GBE1: variants seen among roughly 807,000 people sequenced by gnomAD.
GBE1 encodes 1,4-alpha-glucan branching enzyme 1.
A neutral mutation model predicts 88.8 loss-of-function variants in GBE1; 70 were observed. That is an observed-to-expected ratio of 0.79 (90% CI 0.65 to 0.96). The LOEUF is 0.96. Among genes scored for constraint, GBE1 ranks in the 40% least tolerant of loss-of-function variants. GBE1 has a pLI of 0.00. For missense variants in GBE1, 872 were observed against 871.0 expected, an observed-to-expected ratio of 1.00 and a Z score of -0.01; for synonymous variants, 284 against 300.1, an observed-to-expected ratio of 0.95 and a Z score of 0.56.
At chr3:81,741,666 C>T (rs1706350134) in intron 1 of GBE1, among the ~76,000 whole-genome samples, 1 of 151,650 alleles carries the variant, frequency 6.6e-6, no homozygotes, top group African/African-American at 2.4e-5. Flanking sequence ...AAAAGCCATG[C>T]ATACATCACA....
intron 1 of GBE1, among the ~76,000 whole-genome samples, chr3:81,716,019 C>T (rs1198617759): frequency 2.6e-5 from 4 of 152,262 alleles, no homozygotes; most frequent in Admixed American, 2.6e-4. Flanking sequence ...TACAAGCACA[C>T]ATTGTGTTAT....
chr3:81,755,647 T>A (rs759765694), intron 1 of GBE1, among the ~76,000 whole-genome samples: 1 of 152,094 alleles, frequency 6.6e-6, no homozygotes, highest in African/African-American at 2.4e-5. Context: ...ACCATAAAAA[T>A]TAATGAAATC....
At position 81,750,535 on chromosome 3, in the gene GBE1, A is replaced by G. The variant is rs200651151; in HGVS notation, c.143+10840T>C. Among the ~76,000 whole-genome samples the G allele has an allele frequency of 3.0e-3, 231 of 75,748 alleles. 7 individuals carry two copies. In the East Asian group the frequency reaches 0.059, roughly 19 times the overall value. 49.7% of individuals were successfully genotyped at this position (75,748 alleles called of 152,430 possible). A position where few individuals can be genotyped will look rare whatever the true frequency, so the allele number is the denominator to read the frequency against. On this transcript the variant is annotated intron_variant, in intron 1 of 15. Coordinates refer to ENST00000429644, the MANE Select transcript of GBE1 (RefSeq NM_000158.4). The stretch of plus-strand genomic sequence containing the variant: ...CATCTCAAAACATTCATATATATAT[A>G]TACGTATATATATATGTATATATAT...
At chr3:81,580,980 A>AT (rs1703720445) in intron 11 of GBE1, among the ~76,000 whole-genome samples, 185 bp downstream of exon 11, 1 of 151,876 alleles carries the variant, frequency 6.6e-6, no homozygotes, top group African/African-American at 2.4e-5. Context: ...CAAATTTAAC[A>AT]TTTTTTCCAA....
At chr3:81,563,129 T>C (rs1329042065) in intron 12 of GBE1, among the ~76,000 whole-genome samples, 2 of 152,070 alleles carry the variant, frequency 1.3e-5, no homozygotes, top group Non-Finnish European at 1.5e-5. Context: ...CCAGCCTGCA[T>C]GAATAACACT....
intron 12 of GBE1, among the ~76,000 whole-genome samples, chr3:81,576,955 T>TA (rs1703656524): frequency 6.6e-6 from 1 of 152,136 alleles, no homozygotes; most frequent in Non-Finnish European, 1.5e-5. Context: ...CAGGGCTTTT[T>TA]AAAAATTAGA....
At chr3:81,574,343 C>A (rs2106928343) in intron 12 of GBE1, among the ~76,000 whole-genome samples, 1 of 152,168 alleles carries the variant, frequency 6.6e-6, no homozygotes, top group South Asian at 2.1e-4. Context: ...TATATGCCTG[C>A]AAATACTTTG....
At chr3:81,663,556 C>A (rs1705060747) in intron 3 of GBE1, among the ~76,000 whole-genome samples, 1 of 152,178 alleles carries the variant, frequency 6.6e-6, no homozygotes, top group Admixed American at 6.5e-5. Context: ...ACCTTGCATT[C>A]ATTCTCCAAG....
At chr3:81,649,061 T>A in intron 4 of GBE1, 70 bp from the exon 5 acceptor site, 1 of 1,084,952 alleles carries the variant, frequency 9.2e-7, no homozygotes, top group Non-Finnish European at 1.3e-6. Flanking sequence ...ATCAAGTATA[T>A]TTTTAAAAAG....
chr3:81,498,210 C>A (rs564833502), intron 15 of GBE1, among the ~76,000 whole-genome samples: 18 of 152,148 alleles, frequency 1.2e-4, no homozygotes, highest in African/African-American at 4.3e-4. Context: ...TGGCAGCTTA[C>A]AAAGTGGAGT....
At chr3:81,548,838 A>C (rs1308396813) in intron 12 of GBE1, among the ~76,000 whole-genome samples, 1 of 151,002 alleles carries the variant, frequency 6.6e-6, no homozygotes, top group Non-Finnish European at 1.5e-5. Flanking sequence ...TGTAAGATTA[A>C]AGAAACTTTT....
chr3:81,496,069 C>T lies in GBE1; in HGVS notation c.2052+3041G>A, dbSNP rs958901554. ...TGAATCAGAGGAGAGAAAGGAAGTC[C>T]CCTGCCTCCAGTGCACTGATTAACA... is the stretch of plus-strand genomic sequence containing the variant. On this transcript the variant is annotated intron_variant, in intron 15 of 15. Transcript: ENST00000429644. 3.3e-5 allele frequency among the ~76,000 whole-genome samples: 5 copies of T among 152,210 alleles called. No individual in the cohort carries two copies. In the East Asian group the frequency reaches 9.6e-4, roughly 29 times the overall value.
At chr3:81,544,824 T>C (rs1279841659) in intron 12 of GBE1, among the ~76,000 whole-genome samples, 1 of 152,182 alleles carries the variant, frequency 6.6e-6, no homozygotes, top group Non-Finnish European at 1.5e-5. Flanking sequence ...GGTACAGTGA[T>C]GAAATTCAAG....
At chr3:81,493,226 T>C (rs751646673) in intron 15 of GBE1, among the ~76,000 whole-genome samples, 12 of 152,152 alleles carry the variant, frequency 7.9e-5, no homozygotes, top group Non-Finnish European at 1.6e-4. Context: ...TGAAAACATT[T>C]CTCTTATAGA....
At chr3:81,679,953 T>C (rs1288848133) in intron 2 of GBE1, among the ~76,000 whole-genome samples, 1 of 152,166 alleles carries the variant, frequency 6.6e-6, no homozygotes, top group African/African-American at 2.4e-5. Context: ...ACAGAGCTGA[T>C]CTGGCTGAAA....
intron 12 of GBE1, among the ~76,000 whole-genome samples, chr3:81,541,691 C>T (rs190567897): frequency 6.6e-6 from 1 of 152,032 alleles, no homozygotes; most frequent in African/African-American, 2.4e-5. Context: ...ATCAAATCTG[C>T]CAGTGCCTCG....
intron 7 of GBE1, among the ~76,000 whole-genome samples, chr3:81,625,282 A>G (rs1191953208): frequency 3.3e-5 from 5 of 152,268 alleles, no homozygotes; most frequent in Admixed American, 6.5e-5. Context: ...TGATTCTGAC[A>G]TTCCTATTTT....
At chr3:81,568,180 C>T (rs181423522) in intron 12 of GBE1, among the ~76,000 whole-genome samples, 73 of 152,178 alleles carry the variant, frequency 4.8e-4, no homozygotes, top group African/African-American at 1.7e-3. Context: ...TGGAGTCTCG[C>T]TCTGGCACCC....
chr3:81,490,187 T>G lies in GBE1; in HGVS notation c.*220A>C. On this transcript the variant is annotated 3_prime_UTR_variant, in exon 16 of 16. Transcript: ENST00000429644. The stretch of plus-strand genomic sequence containing the variant: ...GAGAATCCTAGCTGCTAAGATGACT[T>G]GAAAATATGGTCTAGGATTCCTAAT... 1 of 517,070 alleles carries G rather than the reference T, an allele frequency of 1.9e-6. No homozygotes were observed. Among genetic ancestry groups the G allele is most frequent in the Non-Finnish European group, 3.4e-6 (1 of 296,736 alleles). The allele number at this position is 517,070 out of a possible 1,614,324, so 32.0% of individuals were successfully genotyped here.
Sources: gnomAD v4.1 joint callset for allele counts (sites outside exome capture counted in the v4.1 genomes callset) on GRCh38, gnomAD v4.1.1 for gene constraint, MANE v1.5 for transcripts, NCBI Gene and HGNC (gene_info 2026-07-23, HGNC 2026-07-21) for gene names.